FREM3: variants seen among roughly 807,000 people sequenced by gnomAD.
FREM3 encodes the protein FRAS1-related extracellular matrix protein 3.
In FREM3, 105 loss-of-function variants were observed where a neutral mutation model predicts 129.1. The observed-to-expected ratio is 0.81, with a 90% CI of 0.69 to 0.96. FREM3 has a LOEUF of 0.96. FREM3 is among the 40% of genes least tolerant of loss of function. The pLI, the probability that FREM3 is intolerant of heterozygous loss-of-function variation, is 0.00. For missense variants in FREM3, 2,593 were observed against 2,666.3 expected (o/e 0.97, Z 0.61); for synonymous variants, 1,014 against 1,044.9 (o/e 0.97, Z 0.57).
At chr4:143,658,620 A>G (rs1302525229) in intron 2 of FREM3, among the ~76,000 whole-genome samples, 1 of 152,180 alleles carries the variant, frequency 6.6e-6, no homozygotes, top group Non-Finnish European at 1.5e-5. Flanking sequence ...AGCTTGTCCA[A>G]CCTGTGGCCC....
chr4:143,695,254 A>G lies in FREM3; in HGVS notation c.5185+237T>C, dbSNP rs192109478. Among the ~76,000 whole-genome samples, 71 of 152,364 alleles carry G rather than the reference A, an allele frequency of 4.7e-4. 2 individuals are homozygous for G. Among genetic ancestry groups the G allele is most frequent in the Non-Finnish European group, 4.6e-4 (31 of 68,036 alleles). ...CTCCCGTGTTTAGCAGTTTTAAGGT[A>G]TAACTACAACTTTATGAAATATCTG... On this transcript the variant is annotated intron_variant, in intron 1 of 7. Transcript: ENST00000329798.
intron 2 of FREM3, among the ~76,000 whole-genome samples, chr4:143,663,666 A>G (rs1441926796): frequency 1.3e-5 from 2 of 152,126 alleles, no homozygotes; most frequent in Non-Finnish European, 2.9e-5. Flanking sequence ...CCTGGATAAT[A>G]TCCTGCAGAG....
intron 7 of FREM3, among the ~76,000 whole-genome samples, chr4:143,584,137 C>T (rs948376765): frequency 4.6e-5 from 7 of 152,304 alleles, no homozygotes; most frequent in South Asian, 2.1e-4. Flanking sequence ...AGGCTGGGCG[C>T]GGTGGCTCAC....
chr4:143,606,476 G>C (rs1419870020), intron 6 of FREM3, among the ~76,000 whole-genome samples: 1 of 151,640 alleles, frequency 6.6e-6, no homozygotes, highest in African/African-American at 2.4e-5. Context: ...TGAACATGAA[G>C]GTAGCTTTTC....
chr4:143,653,544 C>T (rs1353771000), intron 2 of FREM3, among the ~76,000 whole-genome samples: 1 of 152,206 alleles, frequency 6.6e-6, no homozygotes, highest in Non-Finnish European at 1.5e-5. Context: ...CACAGGTATG[C>T]ACATGTGTAA....
chr4:143,585,989 A>T lies in FREM3; in HGVS notation c.6033T>A (p.Pro2011=). 2 of 1,537,626 alleles carry T rather than the reference A, an allele frequency of 1.3e-6. No individual in the cohort carries two copies. The highest frequency in any genetic ancestry group is 1.2e-5 in the South Asian group (1 of 84,052). Reference sequence around the variant, plus strand: ...ATTCAGCATCCCCAAAGTGCAGGACAGGTTCTAAAGAGGCAAAAAAAGATA... The same window carrying T: ...ATTCAGCATCCCCAAAGTGCAGGACTGGTTCTAAAGAGGCAAAAAAAGATA... ...VTILADRYDE[P]VLHFGDAEYH... is the part of the protein sequence containing the mutation. The change falls in exon 7 of 8, where the codon CCT becomes CCA. Residue 2011 remains proline (P), a synonymous_variant. Transcript: ENST00000329798. The surrounding 1 kb of genome is among the most constrained non-coding windows in gnomAD (Gnocchi z 4.2).
chr4:143,584,078 A>G (rs538202688), intron 7 of FREM3, among the ~76,000 whole-genome samples: 8 of 152,228 alleles, frequency 5.3e-5, no homozygotes, highest in Non-Finnish European at 1.2e-4. Context: ...CTCACATGCA[A>G]TGACAGTCAT....
chr4:143,652,770 A>G lies in FREM3; in HGVS notation c.5276-25010T>C, dbSNP rs868208010. 3.9e-5 allele frequency among the ~76,000 whole-genome samples: 6 copies of G among 152,258 alleles called. No individual in the cohort carries two copies. In the South Asian group the frequency reaches 1.2e-3, roughly 32 times the overall value. On this transcript the variant is annotated intron_variant, in intron 2 of 7. Transcript: ENST00000329798. ...TCAGCCTCTGAGTAGCTGGGATTACAGTTGCATGCCTCCATGCCCAGCTAA... is the reference window on the plus strand; with the variant it reads ...TCAGCCTCTGAGTAGCTGGGATTACGGTTGCATGCCTCCATGCCCAGCTAA...
chr4:143,595,592 T>C (rs368270713), intron 6 of FREM3, among the ~76,000 whole-genome samples: 3 of 152,110 alleles, frequency 2.0e-5, no homozygotes, highest in East Asian at 1.9e-4. Flanking sequence ...AGCTATGCTA[T>C]AGCAAAAGAA....
intron 2 of FREM3, among the ~76,000 whole-genome samples, chr4:143,655,454 G>A (rs578057971): frequency 1.3e-5 from 2 of 152,230 alleles, no homozygotes; most frequent in South Asian, 4.1e-4. Context: ...GTATTTAGTG[G>A]TTAATAAAAT....
intron 2 of FREM3, among the ~76,000 whole-genome samples, chr4:143,675,747 AG>A (rs889239207): frequency 1.4e-3 from 206 of 152,372 alleles, no homozygotes; most frequent in African/African-American, 4.6e-3. Context: ...CTACCATCAG[AG>A]AATACTATAA....
chr4:143,696,442 C>A lies in FREM3; in HGVS notation c.4234G>T (p.Asp1412Tyr), dbSNP rs1203879861. The A allele has an allele frequency of 6.5e-7, 1 of 1,537,656 alleles. No individual in the cohort carries two copies. Among genetic ancestry groups the A allele is most frequent in the Admixed American group, 2.0e-5 (1 of 51,004 alleles). The change falls in exon 1 of 8, where the codon GAC (aspartate) becomes TAC (tyrosine). Residue 1412 changes from aspartate to tyrosine, a missense_variant. Asp to Tyr is a radical substitution (Grantham distance 160, BLOSUM62 -3). Around this residue, in one of 2 missense-constraint regions of FREM3, gnomAD observed 2,276 missense variants for 2,267.2 expected, o/e 1.00. Coordinates refer to ENST00000329798, the MANE Select transcript of FREM3 (RefSeq NM_001168235.2). ...CCAATGGTGACATAGAAGTAGTGGT[C>A]TGTCAAAGTGTTAACCCCATCAGTA... ...DVTDGVNTLT[D>Y]HYFYVTIGNL...
intron 2 of FREM3, among the ~76,000 whole-genome samples, chr4:143,663,965 T>A (rs1290530479): frequency 6.6e-6 from 1 of 152,124 alleles, no homozygotes; most frequent in African/African-American, 2.4e-5. Flanking sequence ...TCTGTATTGG[T>A]TATTCTAGTC....
chr4:143,698,619 G>A lies in FREM3; in HGVS notation c.2057C>T (p.Ser686Phe). The change falls in exon 1 of 8, where the codon TCC (serine) becomes TTC (phenylalanine). Residue 686 changes from serine to phenylalanine, a missense_variant. By Grantham distance (155) the Ser-to-Phe change is radical. Transcript: ENST00000329798. ...CTTGATGGTGAAAATGTGCTGTTTG[G>A]AGAGATTGGGTGGGTCATGGTCATC... ...VQDDHDPPNLSKQHIFTIKVQ... is the reference protein window; with the variant it reads ...VQDDHDPPNLFKQHIFTIKVQ... 6.5e-7 allele frequency: 1 copy of A among 1,537,812 alleles called. No homozygotes were observed. The highest frequency in any genetic ancestry group is 8.7e-7 in the Non-Finnish European group (1 of 1,147,032).
rs535230223 is a variant in FREM3, at chr4:143,659,390, A to G, written c.5276-31630T>C. On this transcript the variant is annotated intron_variant, in intron 2 of 7. Transcript: ENST00000329798. ...AGTTTACTGAGAATGATGATTTCCAATTTCATCCATGTCACTACAAAGGAC... is the reference window on the plus strand; with the variant it reads ...AGTTTACTGAGAATGATGATTTCCAGTTTCATCCATGTCACTACAAAGGAC... 2.6e-5 allele frequency among the ~76,000 whole-genome samples: 4 copies of G among 152,056 alleles called. 1 individual carries two copies. Among genetic ancestry groups the G allele is most frequent in the Admixed American group, 2.0e-4 (3 of 15,268 alleles).
At chr4:143,593,344 T>G (rs1302665948) in intron 6 of FREM3, among the ~76,000 whole-genome samples, 1 of 152,170 alleles carries the variant, frequency 6.6e-6, no homozygotes, top group Non-Finnish European at 1.5e-5. Context: ...TTCTGCTCTG[T>G]TTTTTCCCCA....
intron 6 of FREM3, among the ~76,000 whole-genome samples, chr4:143,589,829 G>T (rs1275678968): frequency 6.6e-6 from 1 of 152,140 alleles, no homozygotes; most frequent in Non-Finnish European, 1.5e-5. Flanking sequence ...AATTACCTTG[G>T]GCAGTATGGC....
At chr4:143,636,435 T>C (rs906936394) in intron 2 of FREM3, among the ~76,000 whole-genome samples, 4 of 151,452 alleles carry the variant, frequency 2.6e-5, no homozygotes, top group Middle Eastern at 3.2e-3. Context: ...AGAAAATGAT[T>C]TGAGTGCACA....
intron 2 of FREM3, among the ~76,000 whole-genome samples, chr4:143,664,179 A>C (rs556821010): frequency 6.6e-6 from 1 of 151,990 alleles, no homozygotes; most frequent in Non-Finnish European, 1.5e-5. Flanking sequence ...TAGAGTTTCC[A>C]GTTTTTCTGC....
Sources: allele counts gnomAD v4.1 joint callset (sites outside exome capture counted in the v4.1 genomes callset), GRCh38; gene constraint gnomAD v4.1.1; regional missense constraint gnomAD v4.1.1; non-coding constraint Gnocchi (gnomAD v3.1); transcripts MANE v1.5; gene names NCBI Gene and HGNC (gene_info 2026-07-23, HGNC 2026-07-21).